BICDL2: variants seen among roughly 807,000 people sequenced by gnomAD.
BICDL2 encodes the protein BICD family-like cargo adapter 2.
Under a neutral mutation model 56.6 loss-of-function variants are expected in BICDL2, and 62 were observed. That is an observed-to-expected ratio of 1.10 (90% CI 0.89 to 1.35). BICDL2 has a LOEUF of 1.35. Ranked by LOEUF, BICDL2 falls within the 40% of genes most tolerant of loss-of-function variation. The pLI is 0.00. For synonymous variants in BICDL2, 358 were observed against 319.8 expected (o/e 1.12, Z -1.27); for missense variants, 808 against 684.5 (o/e 1.18, Z -2.01).
intron 1 of BICDL2, chr16:3,036,140 A>C (rs1567425102): frequency 5.0e-6 from 2 of 400,180 alleles, no homozygotes; most frequent in East Asian, 1.5e-4. Flanking sequence ...CCCACCAAGG[A>C]TTCCCACCCC....
At position 3,029,650 on chromosome 16, in the gene BICDL2, G is replaced by A; in HGVS notation, c.852C>T (p.Arg284=). The A allele has an allele frequency of 6.5e-7, 1 of 1,536,910 alleles. No homozygotes were observed. Among genetic ancestry groups the A allele is most frequent in the Non-Finnish European group, 8.7e-7 (1 of 1,146,224 alleles). The part of the protein sequence containing the change: ...RRVSELEEES[R]LQDADVSAAS... ...CAGCCGACACGTCGGCGTCCTGGAGGCGTGACTCCTCCTCCAGCTCGGAGA... is the reference window on the plus strand; with the variant it reads ...CAGCCGACACGTCGGCGTCCTGGAGACGTGACTCCTCCTCCAGCTCGGAGA... Residue 284 remains arginine, a synonymous_variant, in exon 6 of 10, where the codon CGC becomes CGT. Coordinates refer to ENST00000572449, the MANE Select transcript of BICDL2 (RefSeq NM_001369667.1).
intron 2 of BICDL2, chr16:3,035,000 G>A (rs1390750611): frequency 6.9e-6 from 4 of 581,788 alleles, no homozygotes; most frequent in Admixed American, 3.0e-5. Flanking sequence ...GTGAGGTACT[G>A]TGCCCGGCAC....
Position 3,029,589 on chromosome 16 carries a change from C to A in BICDL2, c.913G>T (p.Asp305Tyr), listed in dbSNP as rs1454732685. The change falls in exon 6 of 10, where the codon GAC (aspartate) becomes TAC (tyrosine). Residue 305 changes from aspartate to tyrosine, a missense_variant. Coordinates refer to ENST00000572449, the MANE Select transcript of BICDL2 (RefSeq NM_001369667.1). ...TCGGCGCCCTGGCCCTGGTCGCCGT[C>A]GTCGAGGCTGTGGGCCAGTTCTGAC... ...LQSELAHSLD[D>Y]GDQGQGADAP... is the part of the protein sequence containing the mutation. The A allele has an allele frequency of 4.5e-6, 7 of 1,543,762 alleles. No individual in the cohort carries two copies. Among genetic ancestry groups the A allele is most frequent in the Non-Finnish European group, 5.2e-6 (6 of 1,148,564 alleles).
rs1338494101 is a variant in BICDL2, at chr16:3,028,786, C to T, written c.1152G>A (p.Leu384=). Reference sequence around the variant, plus strand: ...GCGCCCGCAGCTCCTTCTGCCTCTGCAGCTCTTCCCGCAGGGACTGCAGCT... The same window carrying T: ...GCGCCCGCAGCTCCTTCTGCCTCTGTAGCTCTTCCCGCAGGGACTGCAGCT... ...QAELQSLREE[L]QRQKELRAQE... Residue 384 remains leucine (L), a synonymous_variant, in exon 8 of 10, where the codon CTG becomes CTA. Coordinates refer to ENST00000572449, the MANE Select transcript of BICDL2 (RefSeq NM_001369667.1). 3 of 1,557,080 alleles carry T rather than the reference C, an allele frequency of 1.9e-6. No individual in the cohort carries two copies. Among genetic ancestry groups the T allele is most frequent in the Non-Finnish European group, 8.7e-7 (1 of 1,151,124 alleles).
chr16:3,033,639 G>C (rs565767940), intron 2 of BICDL2, among the ~76,000 whole-genome samples: 5 of 152,236 alleles, frequency 3.3e-5, no homozygotes, highest in Admixed American at 2.0e-4. Context: ...AAATTAGCCA[G>C]GTATGGTGGT....
At chr16:3,028,642 C>G in intron 8 of BICDL2, 58 bp downstream of exon 8, 1 of 1,537,100 alleles carries the variant, frequency 6.5e-7, no homozygotes, top group Admixed American at 2.1e-5. Flanking sequence ...GAAGAGGAAT[C>G]AGGAGCCCAG....
Position 3,030,820 on chromosome 16 carries a change from G to T in BICDL2, c.499-8C>A. ...CTGCTCAGTCTGGGAGGCCTGGGGA[G>T]GTGGAAAGAGGGACAGAGGAGCCTC... On this transcript the variant is annotated splice_polypyrimidine_tract_variant and splice_region_variant and intron_variant, in intron 3 of 9. Transcript: ENST00000572449. 1 of 1,600,070 alleles carries T rather than the reference G, an allele frequency of 6.2e-7. No homozygotes were observed.
rs768940131 is a variant in BICDL2 at position 3,028,686 on chromosome 16, G to GGCTT, written c.1238+10_1238+13dup. The GGCTT allele has an allele frequency of 8.3e-6, 13 of 1,567,112 alleles. No homozygotes were observed. The South Asian group carries it at 1.5e-4, about 18-fold the overall frequency. ...AGAGGGCGCTGGGGCGGTGGTCAAT[G>GGCTT]GCTTGAGGCTTACTTGTTCACGGCC... is the stretch of plus-strand genomic sequence containing the variant. On this transcript the variant is annotated intron_variant, in intron 8 of 9. Transcript: ENST00000572449.
rs866471312 is a variant in BICDL2 at position 3,030,994 on chromosome 16, C to A, written c.439G>T (p.Ala147Ser). ...SEQQDSGRER[A>S]RALSELSEQN... ...TCGCTGAGCTCGCTGAGGGCCCGTG[C>A]CCGTTCTCGCCCACTGTCCTGCTGC... Residue 147 changes from alanine to serine, a missense_variant, in exon 3 of 10, where the codon GCA (alanine) becomes TCA (serine). Transcript: ENST00000572449. 2 of 1,553,104 alleles carry A rather than the reference C, an allele frequency of 1.3e-6. No individual in the cohort carries two copies. Among genetic ancestry groups the A allele is most frequent in the Admixed American group, 3.8e-5 (2 of 52,714 alleles).
chr16:3,031,221 C>T lies in BICDL2; in HGVS notation c.283-71G>A, dbSNP rs908170470. ...AGACTGGGCAGGCACAGAGAGATGGCGATGGAGGGACAGACACCTAGGGAG... is the reference window on the plus strand; with the variant it reads ...AGACTGGGCAGGCACAGAGAGATGGTGATGGAGGGACAGACACCTAGGGAG... On this transcript the variant is annotated intron_variant, in intron 2 of 9. Coordinates refer to ENST00000572449, the MANE Select transcript of BICDL2 (RefSeq NM_001369667.1). 1.4e-5 allele frequency: 19 copies of T among 1,342,952 alleles called. 1 individual carries two copies. The South Asian group carries it at 1.8e-4, about 13-fold the overall frequency. 83.2% of individuals were successfully genotyped at this position (1,342,952 alleles called of 1,614,324 possible).
rs780670991 is a variant in BICDL2 at position 3,035,337 on chromosome 16, G to T, written c.160C>A (p.Leu54Met). The change falls in exon 2 of 10, where the codon CTG becomes ATG. Residue 54 changes from leucine to methionine, a missense_variant. Leu to Met is a conservative substitution (Grantham distance 15). Transcript: ENST00000572449. Reference sequence around the variant, plus strand: ...AGCAGGTCTTTCTCCTTCTGCTGCAGCTGCAAGGCTAGGTCCTCGGGCTCC... The same window carrying T: ...AGCAGGTCTTTCTCCTTCTGCTGCATCTGCAAGGCTAGGTCCTCGGGCTCC... ...PEEPEDLALQ[L>M]QQKEKDLLLA... 1.9e-6 allele frequency: 3 copies of T among 1,595,294 alleles called. No individual in the cohort carries two copies. In the South Asian group the frequency reaches 3.4e-5, roughly 18 times the overall value.
rs113820545 is a variant in BICDL2, at chr16:3,034,658, CTCCTTCCTTCCTTCCT to C, written c.282+541_282+556del. Reference sequence around the variant, plus strand: ...TTTCCTTTTTTTCTTTTCTTTCTCTCTCCTTCCTTCCTTCCTTCCTTCCTTCCTTCCTTCCCCTTCC... The same window carrying C: ...TTTCCTTTTTTTCTTTTCTTTCTCTCTCCTTCCTTCCTTCCTTCCCCTTCC... On this transcript the variant is annotated intron_variant, in intron 2 of 9. Coordinates refer to ENST00000572449, the MANE Select transcript of BICDL2 (RefSeq NM_001369667.1). Among the ~76,000 whole-genome samples the C allele has an allele frequency of 3.2e-3, 418 of 128,882 alleles. 1 individual carries two copies. Among genetic ancestry groups the C allele is most frequent in the African/African-American group, 0.012 (401 of 32,226 alleles). 84.6% of individuals were successfully genotyped at this position (128,882 alleles called of 152,430 possible).
intron 5 of BICDL2, 66 bp from the exon 6 acceptor site, chr16:3,029,805 C>T: frequency 2.2e-6 from 3 of 1,366,586 alleles, no homozygotes; most frequent in African/African-American, 1.5e-5. Flanking sequence ...CGACATCCCG[C>T]GGCAGGTCCA....
At chr16:3,030,205 C>A (rs1955631507) in intron 5 of BICDL2, 1 of 562,002 alleles carries the variant, frequency 1.8e-6, no homozygotes, top group Non-Finnish European at 3.1e-6. Flanking sequence ...TCATTCCTGG[C>A]CTGAGCTCTG....
chr16:3,034,233 C>T (rs1955697626), intron 2 of BICDL2, among the ~76,000 whole-genome samples: 2 of 152,184 alleles, frequency 1.3e-5, no homozygotes, highest in South Asian at 2.1e-4. Flanking sequence ...CCAGAGAGGG[C>T]CAGCAGCTGA....
In BICDL2 at chr16:3,031,002, C is replaced by T. The variant is rs1188815632; in HGVS notation, c.431G>A (p.Arg144Gln). Residue 144 changes from arginine (R) to glutamine (Q), a missense_variant, in exon 3 of 10, where the codon CGA (arginine) becomes CAA (glutamine). Transcript: ENST00000572449. Reference sequence around the variant, plus strand: ...CTCGCTGAGGGCCCGTGCCCGTTCTCGCCCACTGTCCTGCTGCTCTGAGCG... The same window carrying T: ...CTCGCTGAGGGCCCGTGCCCGTTCTTGCCCACTGTCCTGCTGCTCTGAGCG... ...EQRSEQQDSG[R>Q]ERARALSELS... is the part of the protein sequence containing the mutation. 12 of 1,553,272 alleles carry T rather than the reference C, an allele frequency of 7.7e-6. No individual in the cohort carries two copies. In the African/African-American group the frequency reaches 8.2e-5, roughly 11 times the overall value.
Position 3,030,598 on chromosome 16 carries a change from G to A in BICDL2, c.616-3C>T. ...CGGCGGCTCTGCAGCATCTGGTTCT[G>A]GGGAAAGGCCTGAGAGCTGGGGACA... On this transcript the variant is annotated splice_polypyrimidine_tract_variant and splice_region_variant and intron_variant, in intron 4 of 9. Transcript: ENST00000572449. 6.3e-7 allele frequency: 1 copy of A among 1,597,138 alleles called. No individual in the cohort carries two copies. Among genetic ancestry groups the A allele is most frequent in the African/African-American group, 1.3e-5 (1 of 74,792 alleles).
chr16:3,030,050 TAGTA>T lies in BICDL2; in HGVS notation c.763-315_763-312del, dbSNP rs575769399. 131 of 480,780 alleles carry T rather than the reference TAGTA, an allele frequency of 2.7e-4. No individual in the cohort carries two copies. In the Middle Eastern group the frequency reaches 3.7e-3, roughly 14 times the overall value. 29.8% of individuals were successfully genotyped at this position (480,780 alleles called of 1,614,324 possible). On this transcript the variant is annotated intron_variant, in intron 5 of 9. Coordinates refer to ENST00000572449, the MANE Select transcript of BICDL2 (RefSeq NM_001369667.1). ...GCTACTGAGGCTGCTTGTCCCACAG[TAGTA>T]AGTAAGAAGGGGCACCGGGATGCGA...
intron 8 of BICDL2, 60 bp from the exon 9 acceptor site, chr16:3,028,528 G>A (rs1955593167): frequency 1.3e-6 from 2 of 1,553,040 alleles, no homozygotes; most frequent in East Asian, 2.3e-5. Flanking sequence ...GAGCCGGGGT[G>A]GCGGGGGACT....
Sources: gnomAD v4.1 joint callset for allele counts (sites outside exome capture counted in the v4.1 genomes callset) on GRCh38, gnomAD v4.1.1 for gene constraint, MANE v1.5 for transcripts, NCBI Gene and HGNC (gene_info 2026-07-23, HGNC 2026-07-21) for gene names.